Variants in COG2 observed in about 807,000 individuals in gnomAD.
The protein encoded by COG2 is conserved oligomeric Golgi complex subunit 2.
In COG2, 52 loss-of-function variants were observed where a neutral mutation model predicts 90.6. The observed-to-expected ratio is 0.57, with a 90% CI of 0.46 to 0.72. The LOEUF is 0.72. COG2 is among the 30% of genes least tolerant of loss of function. COG2 has a pLI of 0.00. For synonymous variants in COG2, 337 were observed against 320.4 expected (o/e 1.05, Z -0.55); for missense variants, 829 against 891.2 (o/e 0.93, Z 0.89).
At chr1:230,668,334 T>A (rs557861876) in intron 5 of COG2, among the ~76,000 whole-genome samples, 1 of 152,042 alleles carries the variant, frequency 6.6e-6, no homozygotes, top group East Asian at 1.9e-4. Context: ...ATGGGAGAGC[T>A]TGGAGTCGGT....
chr1:230,672,620 C>A (rs1469437499), intron 8 of COG2, among the ~76,000 whole-genome samples: 1 of 151,600 alleles, frequency 6.6e-6, no homozygotes, highest in Non-Finnish European at 1.5e-5. Context: ...CGCTTGAGGC[C>A]AGGAGTTCAA....
chr1:230,654,770 C>G (rs1323992591), intron 1 of COG2, among the ~76,000 whole-genome samples: 2 of 152,094 alleles, frequency 1.3e-5, no homozygotes, highest in East Asian at 3.9e-4. Flanking sequence ...CTCTTATTTC[C>G]TTGAGCAGCG....
At chr1:230,684,294 T>C (rs1411284716) in intron 11 of COG2, 1 of 152,346 alleles carries the variant, frequency 6.6e-6, no homozygotes, top group Non-Finnish European at 1.5e-5. Context: ...GTGATCTGCC[T>C]TCCTCCCAGG....
At chr1:230,672,543 A>G (rs1662475531) in intron 8 of COG2, among the ~76,000 whole-genome samples, 2 of 151,892 alleles carry the variant, frequency 1.3e-5, no homozygotes, top group African/African-American at 4.8e-5. Context: ...TCAAGAGACC[A>G]TCCTTGACCG....
At chr1:230,662,862 ACTCAGGTTATCCTTTCTTTAC>A (rs943492003) in intron 3 of COG2, among the ~76,000 whole-genome samples, 1 of 152,022 alleles carries the variant, frequency 6.6e-6, no homozygotes, top group Non-Finnish European at 1.5e-5. Flanking sequence ...TTATACTTTG[ACTCAGGTTATCCTTTCTTTAC>A]CCTGACCACC....
chr1:230,678,735 G>T (rs1662658855), intron 9 of COG2, 178 bp from the exon 10 acceptor site: 2 of 1,508,684 alleles, frequency 1.3e-6, no homozygotes. Flanking sequence ...ACCACTTTGG[G>T]CATTTATGTA....
chr1:230,674,491 T>C (rs1410064856), intron 8 of COG2, among the ~76,000 whole-genome samples: 1 of 152,248 alleles, frequency 6.6e-6, no homozygotes, highest in African/African-American at 2.4e-5. Flanking sequence ...TCAAGATTTG[T>C]GATAAGATTT....
At chr1:230,683,409 TAAAAAAAA>T (rs5781595) in intron 10 of COG2, 157 bp from the exon 11 acceptor site, 14 of 384,964 alleles carry the variant, frequency 3.6e-5, no homozygotes, top group South Asian at 1.0e-4. Flanking sequence ...CTTGTTCAGT[TAAAAAAAA>T]AAAAAAAAAA....
chr1:230,674,938 A>G, intron 8 of COG2, 60 bp from the exon 9 acceptor site: 1 of 1,378,128 alleles, frequency 7.3e-7, no homozygotes. Context: ...ACACAGTGGA[A>G]ATTTGCTCTT....
chr1:230,686,123 T>G (rs1232942397), intron 12 of COG2, among the ~76,000 whole-genome samples: 1 of 152,208 alleles, frequency 6.6e-6, no homozygotes, highest in Non-Finnish European at 1.5e-5. Flanking sequence ...TTAAGCTGAG[T>G]CTTCATCTGG....
At chr1:230,678,281 G>A in intron 9 of COG2, 1 of 985,408 alleles carries the variant, frequency 1.0e-6, no homozygotes, top group Non-Finnish European at 1.2e-6. Context: ...CTCAACAGAA[G>A]AAGAAGCATC....
chr1:230,642,857 T>A lies in COG2; in HGVS notation c.72+179T>A, dbSNP rs988573940. 18 of 592,410 alleles carry A rather than the reference T, an allele frequency of 3.0e-5. No homozygotes were observed. In the African/African-American group the frequency reaches 3.1e-4, roughly 10 times the overall value. The allele number at this position is 592,410 out of a possible 1,614,324, so 36.7% of individuals were successfully genotyped here. ...GGCGTCAGGTTTGGCGGGTGCAGCC[T>A]GGAGAAAGCACTTCTGTAAAATCGT... On this transcript the variant is annotated intron_variant, in intron 1 of 17. Transcript: ENST00000366669.
At chr1:230,678,480 G>T in intron 9 of COG2, 1 of 985,272 alleles carries the variant, frequency 1.0e-6, no homozygotes, top group South Asian at 4.7e-5. Context: ...TTATAAAAAT[G>T]AAGTGAATAC....
intron 10 of COG2, chr1:230,680,599 C>CT (rs552479585): frequency 6.6e-6 from 1 of 152,140 alleles, no homozygotes; most frequent in African/African-American, 2.4e-5. Flanking sequence ...CCCTGAAAGT[C>CT]TTTTTTACCT....
chr1:230,683,685 C>A, intron 11 of COG2, 50 bp downstream of exon 11: 2 of 1,224,586 alleles, frequency 1.6e-6, no homozygotes, highest in Non-Finnish European at 2.4e-6. Flanking sequence ...TGAGTTCATT[C>A]AGTTCACCAA....
At chr1:230,656,441 T>C (rs1304500338) in intron 1 of COG2, among the ~76,000 whole-genome samples, 1 of 152,112 alleles carries the variant, frequency 6.6e-6, no homozygotes, top group Non-Finnish European at 1.5e-5. Context: ...GGTTTGCGAG[T>C]CTGTTTATTA....
At position 230,688,556 on chromosome 1, in the gene COG2, C is replaced by A; in HGVS notation, c.1788C>A (p.Thr596=). 2 of 1,613,878 alleles carry A rather than the reference C, an allele frequency of 1.2e-6. No homozygotes were observed. Among genetic ancestry groups the A allele is most frequent in the Middle Eastern group, 1.7e-4 (1 of 6,056 alleles). Residue 596 remains threonine (T), a synonymous_variant, in exon 15 of 18, where the codon ACC becomes ACA. Transcript: ENST00000366669. ...ALEVPRLYRR[T]NKEVPTTASS... ...AGGTTCCCAGGCTTTACCGAAGAAC[C>A]AATAAGGTCAGCGCCATTTATGGGA...
chr1:230,645,792 A>AG (rs1558266105), intron 1 of COG2, among the ~76,000 whole-genome samples: 14 of 152,130 alleles, frequency 9.2e-5, no homozygotes, highest in African/African-American at 3.4e-4. Flanking sequence ...CAGATCATTC[A>AG]GCATTAGGTT....
chr1:230,679,633 T>C (rs148240839), intron 10 of COG2: 6 of 152,394 alleles, frequency 3.9e-5, no homozygotes, highest in Admixed American at 6.5e-5. Flanking sequence ...GGTTTCATGA[T>C]GATATCACCT....
Sources: allele counts gnomAD v4.1 joint callset (sites outside exome capture counted in the v4.1 genomes callset), GRCh38; gene constraint gnomAD v4.1.1; transcripts MANE v1.5; gene names NCBI Gene and HGNC (gene_info 2026-07-23, HGNC 2026-07-21).